UNC13C: variants seen among roughly 807,000 people sequenced by gnomAD.
UNC13C encodes the protein unc-13 homolog C, also known as protein unc-13 homolog C.
A neutral mutation model predicts 245.4 loss-of-function variants in UNC13C; 174 were observed. That is an observed-to-expected ratio of 0.71 (90% CI 0.63 to 0.80). The LOEUF is 0.80. Ranked by LOEUF, UNC13C falls within the 30% of genes least tolerant of loss-of-function variation. The pLI, the probability that UNC13C is intolerant of heterozygous loss-of-function variation, is 0.00. For missense variants in UNC13C, 2,829 were observed against 2,602.9 expected (o/e 1.09, Z -1.89); for synonymous variants, 992 against 895.1 (o/e 1.11, Z -1.93).
intron 2 of UNC13C, among the ~76,000 whole-genome samples, chr15:54,116,017 T>C (rs1001006720): frequency 3.9e-5 from 6 of 152,148 alleles, no homozygotes; most frequent in Non-Finnish European, 7.4e-5. Context: ...TGAGATAAAA[T>C]ATACATATAA....
intron 19 of UNC13C, among the ~76,000 whole-genome samples, chr15:54,451,539 A>G (rs575295676): frequency 6.6e-6 from 1 of 152,040 alleles, no homozygotes; most frequent in African/African-American, 2.4e-5. Flanking sequence ...CTTCTGCTGG[A>G]TCTAGTCTTT....
intron 4 of UNC13C, among the ~76,000 whole-genome samples, chr15:54,159,861 A>T (rs2141264738): frequency 6.6e-6 from 1 of 152,310 alleles, no homozygotes; most frequent in South Asian, 2.1e-4. Context: ...AGTGCACTAG[A>T]GAGAGGATTA....
chr15:54,473,901 A>G (rs1892590663), intron 19 of UNC13C, among the ~76,000 whole-genome samples: 1 of 123,074 alleles, frequency 8.1e-6, no homozygotes, highest in Non-Finnish European at 1.8e-5. Flanking sequence ...CACCCTTCTG[A>G]GTCTCTAATT....
At position 54,236,488 on chromosome 15, in the gene UNC13C, C is replaced by T; in HGVS notation, c.3156+53C>T. ...ATATTTTGCAGTCTTCTCAAACATA[C>T]ACTGCACTTACTCATGGGGTAAAAG... On this transcript the variant is annotated intron_variant, in intron 6 of 32. Transcript: ENST00000260323. The T allele has an allele frequency of 4.9e-6, 7 of 1,417,252 alleles. 1 individual carries two copies. The highest frequency in any genetic ancestry group is 4.6e-5 in the East Asian group (2 of 43,600). 87.8% of individuals were successfully genotyped at this position (1,417,252 alleles called of 1,614,324 possible).
chr15:54,501,036 C>T (rs1179795764), intron 22 of UNC13C, 58 bp downstream of exon 22: 3 of 1,571,922 alleles, frequency 1.9e-6, no homozygotes, highest in East Asian at 4.5e-5. Flanking sequence ...CTGAAAAATG[C>T]TATTGTTTTG....
the UNC13C span, among the ~76,000 whole-genome samples, chr15:53,954,763 G>A: frequency 1.3e-5 from 2 of 152,068 alleles, no homozygotes; most frequent in Non-Finnish European, 2.9e-5. Context: ...TTAAGAGAGA[G>A]GGCATTCTCA....
intron 4 of UNC13C, among the ~76,000 whole-genome samples, chr15:54,144,983 G>A (rs1431718747): frequency 6.6e-6 from 1 of 151,586 alleles, no homozygotes; most frequent in African/African-American, 2.4e-5. Context: ...ACCAAGACCG[G>A]GTTTTGCCAT....
chr15:54,048,947 G>T, intron 2 of UNC13C: 1 of 303,852 alleles, frequency 3.3e-6, no homozygotes, highest in South Asian at 3.5e-5. Flanking sequence ...CTTGAAGCCT[G>T]CAAAGGACAT....
At chr15:54,216,195 G>A (rs758616633) in intron 4 of UNC13C, among the ~76,000 whole-genome samples, 5 of 152,004 alleles carry the variant, frequency 3.3e-5, no homozygotes, top group South Asian at 2.1e-4. Flanking sequence ...CTGGAGCCCC[G>A]ATTATGTCTA....
intron 17 of UNC13C, among the ~76,000 whole-genome samples, chr15:54,370,595 A>C (rs1044502230): frequency 6.6e-6 from 1 of 152,250 alleles, no homozygotes; most frequent in South Asian, 2.1e-4. Context: ...CTCGACTTTC[A>C]GATTAGTTTT....
At chr15:54,288,087 A>T (rs2037195400) in intron 10 of UNC13C, among the ~76,000 whole-genome samples, 1 of 152,184 alleles carries the variant, frequency 6.6e-6, no homozygotes, top group African/African-American at 2.4e-5. Context: ...AAATAGGATG[A>T]CAGCAATTTA....
intron 13 of UNC13C, among the ~76,000 whole-genome samples, chr15:54,314,805 A>T (rs575583279): frequency 4.0e-4 from 60 of 151,890 alleles, no homozygotes; most frequent in African/African-American, 1.4e-3. Flanking sequence ...CTAAATCTTC[A>T]GTTATAACAT....
At chr15:54,321,447 T>C in intron 13 of UNC13C, 1 of 493,996 alleles carries the variant, frequency 2.0e-6, no homozygotes, top group South Asian at 1.5e-5. Flanking sequence ...TGCATCTGCC[T>C]TTGCGGCCTT....
At chr15:54,040,907 A>C (rs1896782287) in intron 2 of UNC13C, among the ~76,000 whole-genome samples, 1 of 152,166 alleles carries the variant, frequency 6.6e-6, no homozygotes, top group South Asian at 2.1e-4. Context: ...AGTGAGACTT[A>C]TCTGTATTTA....
At chr15:54,095,858 G>A (rs1899833253) in intron 2 of UNC13C, among the ~76,000 whole-genome samples, 1 of 152,228 alleles carries the variant, frequency 6.6e-6, no homozygotes, top group East Asian at 1.9e-4. Context: ...TAGTTCCATG[G>A]GATTTTAGAG....
the UNC13C span, among the ~76,000 whole-genome samples, chr15:53,936,247 A>G: frequency 6.6e-6 from 1 of 151,952 alleles, no homozygotes; most frequent in African/African-American, 2.4e-5. Flanking sequence ...GTCTTCCACA[A>G]GGCAGCAGAT....
chr15:54,358,636 A>G (rs1453169863), intron 17 of UNC13C, among the ~76,000 whole-genome samples: 1 of 152,064 alleles, frequency 6.6e-6, no homozygotes, highest in African/African-American at 2.4e-5. Context: ...GTAGAAATGC[A>G]ACTAATTTTT....
intron 13 of UNC13C, among the ~76,000 whole-genome samples, chr15:54,310,371 A>G (rs2037837264): frequency 6.6e-6 from 1 of 151,908 alleles, no homozygotes; most frequent in African/African-American, 2.4e-5. Flanking sequence ...ATAGAAGCCC[A>G]TTAGCTGAAA....
the UNC13C span, among the ~76,000 whole-genome samples, chr15:53,871,861 G>A: frequency 2.0e-5 from 3 of 152,230 alleles, no homozygotes; most frequent in Admixed American, 1.3e-4. Flanking sequence ...TGTGGAAGTG[G>A]GTGCTTGTGT....
Sources: allele counts gnomAD v4.1 joint callset (sites outside exome capture counted in the v4.1 genomes callset), GRCh38; gene constraint gnomAD v4.1.1; transcripts MANE v1.5; gene names NCBI Gene and HGNC (gene_info 2026-07-23, HGNC 2026-07-21).